DCDC2: variants seen among roughly 807,000 people sequenced by gnomAD.
DCDC2 encodes doublecortin domain containing 2, also known as doublecortin domain-containing protein 2.
DCDC2 carries 40 observed loss-of-function variants against 50.2 expected under a neutral mutation model. That is an observed-to-expected ratio of 0.80 (90% CI 0.62 to 1.04). The LOEUF (loss-of-function observed/expected upper bound fraction) is 1.04, where lower values mean the gene tolerates loss of function less well. DCDC2 is among the 50% of genes least tolerant of loss of function. The pLI is 0.00. For missense variants in DCDC2, 570 were observed against 581.9 expected (o/e 0.98, Z 0.21); for synonymous variants, 234 against 210.6 (o/e 1.11, Z -0.96).
chr6:24,218,781 T>C (rs1762036464), intron 7 of DCDC2, among the ~76,000 whole-genome samples: 2 of 152,138 alleles, frequency 1.3e-5, no homozygotes, highest in Admixed American at 6.5e-5. Flanking sequence ...AGCTACTGCA[T>C]CCGGCCTATT....
intron 7 of DCDC2, among the ~76,000 whole-genome samples, chr6:24,275,155 G>A (rs807699): frequency 0.76 from 115,439 of 152,076 alleles, 45,421 homozygotes; most frequent in East Asian, 0.95. Flanking sequence ...TCAAAAGCAC[G>A]TACTTGGTTC....
intron 4 of DCDC2, among the ~76,000 whole-genome samples, chr6:24,292,089 ACTG>A (rs1763764640): frequency 1.3e-5 from 2 of 152,152 alleles, no homozygotes; most frequent in East Asian, 3.9e-4. Flanking sequence ...TTACTGTAAA[ACTG>A]CTGCTACGAG....
At chr6:24,212,664 T>C (rs1434059584) in intron 7 of DCDC2, among the ~76,000 whole-genome samples, 2 of 152,250 alleles carry the variant, frequency 1.3e-5, no homozygotes, top group African/African-American at 2.4e-5. Flanking sequence ...AATTCAATGC[T>C]TGAATGCACA....
intron 7 of DCDC2, among the ~76,000 whole-genome samples, chr6:24,257,407 C>A (rs992072952): frequency 3.9e-5 from 6 of 152,098 alleles, no homozygotes; most frequent in African/African-American, 1.4e-4. Context: ...AGAGTTCACG[C>A]ACCAGTGGAG....
chr6:24,306,483 C>T (rs918490749), intron 2 of DCDC2, among the ~76,000 whole-genome samples: 10 of 148,482 alleles, frequency 6.7e-5, no homozygotes, highest in African/African-American at 2.5e-4. Flanking sequence ...TTTCAAACCC[C>T]TGAGTGGAGA....
At chr6:24,207,825 C>G (rs115851267) in intron 7 of DCDC2, among the ~76,000 whole-genome samples, 1 of 152,200 alleles carries the variant, frequency 6.6e-6, no homozygotes, top group African/African-American at 2.4e-5. Context: ...CCTACACCCA[C>G]GTGTCCTCAC....
At chr6:24,232,829 T>C (rs1383828617) in intron 7 of DCDC2, among the ~76,000 whole-genome samples, 1 of 151,554 alleles carries the variant, frequency 6.6e-6, no homozygotes, top group Non-Finnish European at 1.5e-5. Context: ...TGAATGGGGT[T>C]CTTGAAAAAA....
At chr6:24,246,394 A>G (rs1001072840) in intron 7 of DCDC2, among the ~76,000 whole-genome samples, 36 of 151,930 alleles carry the variant, frequency 2.4e-4, no homozygotes, top group Non-Finnish European at 4.9e-4. Context: ...CAATCCATTT[A>G]AATTGTACGC....
intron 8 of DCDC2, among the ~76,000 whole-genome samples, chr6:24,199,150 C>T (rs919980897): frequency 2.6e-5 from 4 of 152,208 alleles, no homozygotes; most frequent in African/African-American, 7.2e-5. Flanking sequence ...GAACAGCGCT[C>T]GAGCTCTGCT....
intron 4 of DCDC2, among the ~76,000 whole-genome samples, chr6:24,295,185 C>T (rs1002517435): frequency 6.6e-6 from 1 of 152,164 alleles, no homozygotes; most frequent in East Asian, 1.9e-4. Context: ...AATCAATAAA[C>T]GTGATTCACC....
intron 7 of DCDC2, among the ~76,000 whole-genome samples, chr6:24,264,220 C>T (rs1763069968): frequency 6.6e-6 from 1 of 152,180 alleles, no homozygotes; most frequent in African/African-American, 2.4e-5. Flanking sequence ...ACCTATCTTA[C>T]AAGAAATGCT....
At chr6:24,196,424 T>C (rs1048050066) in intron 8 of DCDC2, among the ~76,000 whole-genome samples, 1 of 152,176 alleles carries the variant, frequency 6.6e-6, no homozygotes, top group Non-Finnish European at 1.5e-5. Flanking sequence ...ATAAGACTTA[T>C]CCAGTTTCTT....
chr6:24,279,693 G>A (rs114958638), intron 6 of DCDC2, among the ~76,000 whole-genome samples: 2 of 152,320 alleles, frequency 1.3e-5, no homozygotes, highest in African/African-American at 4.8e-5. Context: ...GAGGCTGCAG[G>A]TAGTGGAAAG....
At chr6:24,379,238 C>CA in the DCDC2 span, among the ~76,000 whole-genome samples, 1,973 of 152,226 alleles carry the variant, frequency 0.013, 27 homozygotes, top group Non-Finnish European at 0.018. Flanking sequence ...AAGCTATCAT[C>CA]AGAGTGAACA....
intron 1 of DCDC2, 124 bp downstream of exon 1, chr6:24,357,334 T>C (rs1261031448): frequency 8.6e-7 from 1 of 1,166,258 alleles, no homozygotes; most frequent in Admixed American, 2.7e-5. Flanking sequence ...GGGGCATCAA[T>C]CACACCGAGA....
intron 7 of DCDC2, among the ~76,000 whole-genome samples, chr6:24,234,974 A>C (rs1206703334): frequency 6.6e-6 from 1 of 152,248 alleles, no homozygotes; most frequent in Non-Finnish European, 1.5e-5. Context: ...GCCCAAAATG[A>C]TCCTGACAAA....
chr6:24,332,100 T>C (rs1759975282), intron 2 of DCDC2, among the ~76,000 whole-genome samples: 1 of 152,166 alleles, frequency 6.6e-6, no homozygotes, highest in Non-Finnish European at 1.5e-5. Flanking sequence ...CTAAATGAAT[T>C]GTAATTGAAA....
rs184282453 is a variant in DCDC2 at position 24,200,595 on chromosome 6, C to T, written c.1023+4407G>A. 1.3e-3 allele frequency among the ~76,000 whole-genome samples: 198 copies of T among 151,244 alleles called. 1 individual carries two copies. The highest frequency in any genetic ancestry group is 6.8e-3 in the Middle Eastern group (2 of 294). On this transcript the variant is annotated intron_variant, in intron 8 of 9. Coordinates refer to ENST00000378454, the MANE Select transcript of DCDC2 (RefSeq NM_016356.5). The stretch of plus-strand genomic sequence containing the variant: ...ACCATCGACACTAAGAAGAAACTAA[C>T]GGGCAAAATAACCAGCTAGCATCAT...
At chr6:24,281,353 TTTTTA>T in intron 6 of DCDC2, among the ~76,000 whole-genome samples, 1 of 151,742 alleles carries the variant, frequency 6.6e-6, no homozygotes, top group Admixed American at 6.6e-5. Flanking sequence ...GCTTTTTTTT[TTTTTA>T]AAGATAGGCT....
Sources: gnomAD v4.1 joint callset for allele counts (sites outside exome capture counted in the v4.1 genomes callset) on GRCh38, gnomAD v4.1.1 for gene constraint, MANE v1.5 for transcripts, NCBI Gene and HGNC (gene_info 2026-07-23, HGNC 2026-07-21) for gene names.